DNAH3: variants seen among roughly 807,000 people sequenced by gnomAD.
DNAH3 encodes the protein axonemal beta dynein heavy chain 3.
Under a neutral mutation model 432.5 loss-of-function variants are expected in DNAH3, and 332 were observed. The ratio of observed to expected loss-of-function variants is 0.77; its 90% CI spans 0.70 to 0.84. The LOEUF (loss-of-function observed/expected upper bound fraction) is 0.84. Among genes scored for constraint, DNAH3 ranks in the 40% least tolerant of loss-of-function variants. The probability of loss-of-function intolerance (pLI) is 0.00; values close to 1 mark genes in which losing one functional copy is unlikely to be tolerated. For synonymous variants in DNAH3, 1,956 were observed against 1,900.2 expected, an observed-to-expected ratio of 1.03 and a Z score of -0.76; for missense variants, 4,861 against 5,114.0, an observed-to-expected ratio of 0.95 and a Z score of 1.51.
At chr16:20,972,224 ATTT>A (rs922788101) in intron 51 of DNAH3, among the ~76,000 whole-genome samples, 5 of 147,418 alleles carry the variant, frequency 3.4e-5, no homozygotes, top group Admixed American at 6.8e-5. Context: ...AAATCTCCTG[ATTT>A]TTTTTTCTCT....
At chr16:21,004,035 T>C (rs1026502582) in intron 41 of DNAH3, among the ~76,000 whole-genome samples, 1 of 152,104 alleles carries the variant, frequency 6.6e-6, no homozygotes, top group African/African-American at 2.4e-5. Flanking sequence ...GAAAAGGAGA[T>C]TGAAGTGAAA....
chr16:20,939,100 G>A (rs1017192046), intron 59 of DNAH3, among the ~76,000 whole-genome samples: 1 of 152,022 alleles, frequency 6.6e-6, no homozygotes. Context: ...AGTGGTGAAG[G>A]CCAGTGAAAG....
At chr16:20,948,343 T>TA in intron 57 of DNAH3, 140 bp downstream of exon 57, 2 of 833,856 alleles carry the variant, frequency 2.4e-6, no homozygotes, top group South Asian at 4.0e-5. Flanking sequence ...CTTTTGGGAA[T>TA]ATTGGGAATA....
intron 51 of DNAH3, among the ~76,000 whole-genome samples, chr16:20,973,837 G>A (rs983255963): frequency 7.2e-5 from 11 of 152,196 alleles, no homozygotes; most frequent in Non-Finnish European, 1.3e-4. Context: ...CAATGGAGAC[G>A]AAGGAAACAG....
intron 28 of DNAH3, among the ~76,000 whole-genome samples, chr16:21,052,815 G>T (rs2090003407): frequency 6.6e-6 from 1 of 152,118 alleles, no homozygotes; most frequent in South Asian, 2.1e-4. Flanking sequence ...CCCATTTCAG[G>T]CCCCTAGGAT....
chr16:20,936,258 T>C (rs893432323), intron 60 of DNAH3, among the ~76,000 whole-genome samples: 1 of 151,926 alleles, frequency 6.6e-6, no homozygotes, highest in African/African-American at 2.4e-5. Context: ...GTTCAAGCCA[T>C]TTTCCTGCCT....
chr16:21,134,183 G>GC, intron 7 of DNAH3, 76 bp downstream of exon 8: 1 of 1,431,122 alleles, frequency 7.0e-7, no homozygotes, highest in Non-Finnish European at 9.5e-7. Flanking sequence ...CCCCCACTGT[G>GC]CACAGCAGAA....
rs776934314 is a variant in DNAH3, at chr16:21,000,406, T to G, written c.6239A>C (p.Lys2080Thr). Residue 2080 changes from lysine to threonine, a missense_variant, in exon 43 of 62, where the codon AAA becomes ACA. Coordinates refer to ENST00000261383, the Ensembl canonical transcript of DNAH3. ...AAGGAAGTTGTTGGTGATGGCTGAT[T>G]TGCCAGTGCCTGTGGGACCCACGAA... 1.2e-6 allele frequency: 2 copies of G among 1,614,026 alleles called. No individual in the cohort carries two copies. The highest frequency in any genetic ancestry group is 1.7e-6 in the Non-Finnish European group (2 of 1,180,034).
At chr16:21,050,118 G>T in intron 29 of DNAH3, 100 bp from the exon 30 acceptor site, 1 of 867,104 alleles carries the variant, frequency 1.2e-6, no homozygotes, top group Non-Finnish European at 1.8e-6. Flanking sequence ...TTAGGTTAGT[G>T]CAAAAGTGAT....
At chr16:21,020,399 T>A (rs74322607) in intron 40 of DNAH3, among the ~76,000 whole-genome samples, 354 of 24,804 alleles carry the variant, frequency 0.014, no homozygotes, top group South Asian at 0.029. Flanking sequence ...ATATATATAT[T>A]TTTTTTTTTT....
At chr16:21,071,028 G>T (rs1202020489) in intron 21 of DNAH3, among the ~76,000 whole-genome samples, 2 of 151,890 alleles carry the variant, frequency 1.3e-5, no homozygotes, top group Non-Finnish European at 2.9e-5. Context: ...AGGACTACAG[G>T]CATATGCCAC....
At position 21,059,540 on chromosome 16, in the gene DNAH3, C is replaced by T. The variant is rs543685546; in HGVS notation, c.3813+724G>A. 8.5e-4 allele frequency among the ~76,000 whole-genome samples: 130 copies of T among 152,068 alleles called. 1 individual carries two copies. The highest frequency in any genetic ancestry group is 3.4e-3 in the Middle Eastern group (1 of 294). The stretch of plus-strand genomic sequence containing the variant: ...CTGTAATCCCAGCACTTTGGGAGAC[C>T]GAGGCAAGTGGATCATTTGAGGTCA... On this transcript the variant is annotated intron_variant, in intron 26 of 61. Coordinates refer to ENST00000261383, the Ensembl canonical transcript of DNAH3.
chr16:21,067,776 G>GGAGAGAGGGA, intron 23 of DNAH3, among the ~76,000 whole-genome samples: 1 of 40,896 alleles, frequency 2.4e-5, no homozygotes, highest in South Asian at 9.3e-4. Context: ...GGGTGGGGAG[G>GGAGAGAGGGA]GAGAGAGAGA....
Position 21,156,200 on chromosome 16 carries a change from A to T in DNAH3, c.117+3125T>A, listed in dbSNP as rs202040867. Among the ~76,000 whole-genome samples, 599 of 75,734 alleles carry T rather than the reference A, an allele frequency of 7.9e-3. 4 individuals carry two copies. Among genetic ancestry groups the T allele is most frequent in the African/African-American group, 0.019 (414 of 21,380 alleles). The allele number at this position is 75,734 out of a possible 152,430, so 49.7% of individuals were successfully genotyped here. On this transcript the variant is annotated intron_variant, in intron 1 of 61. Transcript: ENST00000261383. ...ATTTTATTTTATTTTATTTTATTTT[A>T]TTTATTTTATTTTATTTTATTTTAT... is the stretch of plus-strand genomic sequence containing the variant.
chr16:20,988,006 T>G (rs2086291954), exon 45 of DNAH3: 2 of 1,614,050 alleles, frequency 1.2e-6, no homozygotes, highest in Admixed American at 3.3e-5. Flanking sequence ...AAAATCTTGG[T>G]TAAAATGTCA....
Position 20,994,445 on chromosome 16 carries a change from A to G in DNAH3, c.6601+2838T>C, listed in dbSNP as rs1291619569. Among the ~76,000 whole-genome samples the G allele has an allele frequency of 2.6e-5, 4 of 152,184 alleles. No individual in the cohort carries two copies. In the East Asian group the frequency reaches 7.7e-4, roughly 29 times the overall value. On this transcript the variant is annotated intron_variant, in intron 44 of 61. Coordinates refer to ENST00000261383, the Ensembl canonical transcript of DNAH3. ...AGACTCTGTCTCAAAATATAAATTA[A>G]TTAATTAAATAAAAAAATAAAAAGT...
intron 41 of DNAH3, among the ~76,000 whole-genome samples, chr16:21,009,986 A>G (rs1479136496): frequency 6.7e-6 from 1 of 149,918 alleles, no homozygotes; most frequent in Non-Finnish European, 1.5e-5. Context: ...GAGAAGAGAA[A>G]AGATTTAACT....
chr16:21,056,276 T>C (rs1191060790), intron 27 of DNAH3, among the ~76,000 whole-genome samples: 4 of 152,138 alleles, frequency 2.6e-5, no homozygotes, highest in Admixed American at 2.6e-4. Flanking sequence ...TAATCCCTAC[T>C]TATATTTCAG....
chr16:21,113,210 T>C (rs1330613688), intron 12 of DNAH3, among the ~76,000 whole-genome samples: 9 of 152,190 alleles, frequency 5.9e-5, no homozygotes, highest in East Asian at 5.8e-4. Flanking sequence ...TCTCCCAGAA[T>C]TCCCACTTGT....
Sources: gnomAD v4.1 joint callset for allele counts (sites outside exome capture counted in the v4.1 genomes callset) on GRCh38, gnomAD v4.1.1 for gene constraint, MANE v1.5 for transcripts, NCBI Gene and HGNC (gene_info 2026-07-23, HGNC 2026-07-21) for gene names.